Variants in DNAJB5 observed in about 807,000 individuals in gnomAD.
The protein encoded by DNAJB5 is DnaJ heat shock protein family (Hsp40) member B5.
In DNAJB5, 12 loss-of-function variants were observed where a neutral mutation model predicts 32.6. The observed-to-expected ratio is 0.37, with a 90% CI of 0.24 to 0.60. DNAJB5 has a LOEUF of 0.60. DNAJB5 is among the 20% of genes least tolerant of loss of function. The probability of loss-of-function intolerance (pLI) is 0.71; values close to 1 mark genes in which losing one functional copy is unlikely to be tolerated. For synonymous variants in DNAJB5, 188 were observed against 212.9 expected, an observed-to-expected ratio of 0.88 and a Z score of 1.02; for missense variants, 358 against 554.2, an observed-to-expected ratio of 0.65 and a Z score of 3.55.
At chr9:34,991,651 C>A in intron 2 of DNAJB5, 1 of 134,304 alleles carries the variant, frequency 7.4e-6, no homozygotes, top group South Asian at 5.7e-5. Flanking sequence ...CTTTTGCTGC[C>A]ATTTCCGAAA....
Position 34,990,982 on chromosome 9 carries a change from C to CA in DNAJB5, c.182+171dup. On this transcript the variant is annotated intron_variant, in intron 2 of 4. Transcript: ENST00000682809. This position sits in a 1 kb window ranked among gnomAD's most constrained non-coding sequence, Gnocchi z 4.5. ...TATTTGAATGAATTGCACCCCTTATCATTCCTTTTCTCAAACCCTTCAGGT... is the reference window on the plus strand; with the variant it reads ...TATTTGAATGAATTGCACCCCTTATCAATTCCTTTTCTCAAACCCTTCAGGT... The CA allele has an allele frequency of 1.5e-6, 1 of 662,756 alleles. No homozygotes were observed. Among genetic ancestry groups the CA allele is most frequent in the Non-Finnish European group, 2.5e-6 (1 of 394,870 alleles). 41.1% of individuals were successfully genotyped at this position (662,756 alleles called of 1,614,324 possible).
rs1229198092 is a variant in DNAJB5 at position 34,993,374 on chromosome 9, G to A, written c.357G>A (p.Glu119=). Residue 119 remains glutamate (E), a synonymous_variant, in exon 3 of 5, where the codon GAG becomes GAA. Coordinates refer to ENST00000682809, the MANE Select transcript of DNAJB5 (RefSeq NM_001349723.3). The surrounding 1 kb of genome is among the most constrained non-coding windows in gnomAD (Gnocchi z 4.7). ...KEPNAEEKFK[E]IAEAYDVLSD... ...CCAACGCTGAGGAGAAGTTTAAGGAGATTGCAGAGGCCTATGATGTGCTAA... is the reference window on the plus strand; with the variant it reads ...CCAACGCTGAGGAGAAGTTTAAGGAAATTGCAGAGGCCTATGATGTGCTAA... 2 of 1,614,118 alleles carry A rather than the reference G, an allele frequency of 1.2e-6. No individual in the cohort carries two copies. Among genetic ancestry groups the A allele is most frequent in the Middle Eastern group, 1.6e-4 (1 of 6,062 alleles).
Position 34,996,438 on chromosome 9 carries a change from A to G in DNAJB5, c.601A>G (p.Met201Val), listed in dbSNP as rs887163513. The change falls in exon 4 of 5, where the codon ATG (methionine) becomes GTG (valine). Residue 201 changes from methionine (M) to valine (V), a missense_variant. Coordinates refer to ENST00000682809, the MANE Select transcript of DNAJB5 (RefSeq NM_001349723.3). This position sits in a 1 kb window ranked among gnomAD's most constrained non-coding sequence, Gnocchi z 7.2. ...CTTCAGTGGCTTTGACCCAGATGAC[A>G]TGGATGTGGATGAAGATGAGGACCC... ...RPFSGFDPDD[M>V]DVDEDEDPFG... The G allele has an allele frequency of 6.2e-7, 1 of 1,614,088 alleles. No homozygotes were observed. Among genetic ancestry groups the G allele is most frequent in the Non-Finnish European group, 8.5e-7 (1 of 1,180,012 alleles).
chr9:34,992,879 C>T, intron 2 of DNAJB5: 1 of 1,188,432 alleles, frequency 8.4e-7, no homozygotes, highest in South Asian at 2.1e-5. Flanking sequence ...TGCCACCTCG[C>T]TCAGCAGGGC....
Position 34,996,102 on chromosome 9 carries a change from C to T in DNAJB5, c.428-163C>T, listed in dbSNP as rs1016196175. 2.0e-5 allele frequency among the ~76,000 whole-genome samples: 3 copies of T among 152,158 alleles called. No individual in the cohort carries two copies. The highest frequency in any genetic ancestry group is 7.2e-5 in the African/African-American group (3 of 41,424). On this transcript the variant is annotated intron_variant, in intron 3 of 4. Transcript: ENST00000682809. This position sits in a 1 kb window ranked among gnomAD's most constrained non-coding sequence, Gnocchi z 7.2. ...TATATAATTAGGAATGGAAGATAAT[C>T]TTGCCAGAAGCCTTTCTTACTCTAT...
chr9:34,990,166 C>CCAAAACA lies in DNAJB5; in HGVS notation c.-132-332_-132-331insAAAACAC. ...CTCCCCCGCCCGAGCCCCCTCCCCT[C>CCAAAACA]CTCTCCTCGCCGCGCCTTTTGTCCC... On this transcript the variant is annotated intron_variant, in intron 1 of 4. Transcript: ENST00000682809. The surrounding 1 kb of genome is among the most constrained non-coding windows in gnomAD (Gnocchi z 4.5). The CCAAAACA allele has an allele frequency of 1.1e-6, 1 of 939,252 alleles. No individual in the cohort carries two copies. The highest frequency in any genetic ancestry group is 1.5e-6 in the Non-Finnish European group (1 of 678,330). 58.2% of individuals were successfully genotyped at this position (939,252 alleles called of 1,614,324 possible). A position where few individuals can be genotyped will look rare whatever the true frequency, so the allele number is the denominator to read the frequency against.
At position 34,997,348 on chromosome 9, in the gene DNAJB5, C is replaced by A; in HGVS notation, c.*89C>A. Reference sequence around the variant, plus strand: ...TGCACCCAGCTTGATGTCCACTGGACACTGGCAACTTTTTCTAAAATGCAA... The same window carrying A: ...TGCACCCAGCTTGATGTCCACTGGAAACTGGCAACTTTTTCTAAAATGCAA... On this transcript the variant is annotated 3_prime_UTR_variant, in exon 5 of 5. Coordinates refer to ENST00000682809, the MANE Select transcript of DNAJB5 (RefSeq NM_001349723.3). The surrounding 1 kb of genome is among the most constrained non-coding windows in gnomAD (Gnocchi z 4.1). 2.2e-6 allele frequency: 3 copies of A among 1,363,152 alleles called. No individual in the cohort carries two copies. The highest frequency in any genetic ancestry group is 3.1e-6 in the Non-Finnish European group (3 of 954,246). The allele number at this position is 1,363,152 out of a possible 1,614,324, so 84.4% of individuals were successfully genotyped here.
At position 34,990,222 on chromosome 9, in the gene DNAJB5, C is replaced by T; in HGVS notation, c.-132-277C>T. On this transcript the variant is annotated intron_variant, in intron 1 of 4. Coordinates refer to ENST00000682809, the MANE Select transcript of DNAJB5 (RefSeq NM_001349723.3). This position sits in a 1 kb window ranked among gnomAD's most constrained non-coding sequence, Gnocchi z 4.5. Reference sequence around the variant, plus strand: ...AGCTCCGCTCTGCCCCGCCCATCTGCGAGGGAGGAGACTCCCGTCAGTGAC... The same window carrying T: ...AGCTCCGCTCTGCCCCGCCCATCTGTGAGGGAGGAGACTCCCGTCAGTGAC... The T allele has an allele frequency of 7.6e-7, 1 of 1,310,602 alleles. No homozygotes were observed. Among genetic ancestry groups the T allele is most frequent in the Non-Finnish European group, 9.9e-7 (1 of 1,010,752 alleles). The allele number at this position is 1,310,602 out of a possible 1,614,324, so 81.2% of individuals were successfully genotyped here.
rs1279638670 is a variant in DNAJB5 at position 34,997,373 on chromosome 9, A to G, written c.*114A>G. 1 of 1,151,104 alleles carries G rather than the reference A, an allele frequency of 8.7e-7. No homozygotes were observed. 71.3% of individuals were successfully genotyped at this position (1,151,104 alleles called of 1,614,324 possible). A position where few individuals can be genotyped will look rare whatever the true frequency, so the allele number is the denominator to read the frequency against. On this transcript the variant is annotated 3_prime_UTR_variant, in exon 5 of 5. Transcript: ENST00000682809. The surrounding 1 kb of genome is among the most constrained non-coding windows in gnomAD (Gnocchi z 4.1). ...CACTGGCAACTTTTTCTAAAATGCAAAAAAAAGCCACTGGTTTTCAGGAAA... is the reference window on the plus strand; with the variant it reads ...CACTGGCAACTTTTTCTAAAATGCAGAAAAAAGCCACTGGTTTTCAGGAAA...
rs1827836715 is a variant in DNAJB5, at chr9:34,997,540, C to T, written c.*281C>T. ...TTCCACTGCAGTGGCTGGAGAGTGA[C>T]CTGAGTGCTACTTGAAGATATGTAG... On this transcript the variant is annotated 3_prime_UTR_variant, in exon 5 of 5. Transcript: ENST00000682809. The surrounding 1 kb of genome is among the most constrained non-coding windows in gnomAD (Gnocchi z 4.1). The T allele has an allele frequency of 3.5e-6, 2 of 563,556 alleles. No individual in the cohort carries two copies. The highest frequency in any genetic ancestry group is 6.8e-5 in the East Asian group (2 of 29,210). 34.9% of individuals were successfully genotyped at this position (563,556 alleles called of 1,614,324 possible). A position where few individuals can be genotyped will look rare whatever the true frequency, so the allele number is the denominator to read the frequency against.
At position 34,996,377 on chromosome 9, in the gene DNAJB5, C is replaced by T. The variant is rs1183096160; in HGVS notation, c.540C>T (p.Phe180=). ...FASFFGGSNP[F]DIFFASSRST... ...CCTTCTTTGGTGGCTCCAACCCCTT[C>T]GATATCTTCTTTGCCAGCAGCCGCT... Residue 180 remains phenylalanine (F), a synonymous_variant, in exon 4 of 5, where the codon TTC becomes TTT. Transcript: ENST00000682809. This position sits in a 1 kb window ranked among gnomAD's most constrained non-coding sequence, Gnocchi z 7.2. 14 of 1,614,060 alleles carry T rather than the reference C, an allele frequency of 8.7e-6. No individual in the cohort carries two copies. Among genetic ancestry groups the T allele is most frequent in the African/African-American group, 1.3e-5 (1 of 74,928 alleles).
rs1827714320 is a variant in DNAJB5 at position 34,993,578 on chromosome 9, C to T, written c.427+134C>T. The stretch of plus-strand genomic sequence containing the variant: ...AGCAAGGGTTTCCAGCACTGTCACC[C>T]AGAGAAGAGAGAAGCCCACCCACTA... On this transcript the variant is annotated intron_variant, in intron 3 of 4. Transcript: ENST00000682809. The surrounding 1 kb of genome is among the most constrained non-coding windows in gnomAD (Gnocchi z 4.7). 1 of 1,249,308 alleles carries T rather than the reference C, an allele frequency of 8.0e-7. No homozygotes were observed. The highest frequency in any genetic ancestry group is 1.1e-6 in the Non-Finnish European group (1 of 916,444). 77.4% of individuals were successfully genotyped at this position (1,249,308 alleles called of 1,614,324 possible). A position where few individuals can be genotyped will look rare whatever the true frequency, so the allele number is the denominator to read the frequency against.
Position 34,990,288 on chromosome 9 carries a change from C to T in DNAJB5, c.-132-211C>T, listed in dbSNP as rs953499810. On this transcript the variant is annotated intron_variant, in intron 1 of 4. Transcript: ENST00000682809. The surrounding 1 kb of genome is among the most constrained non-coding windows in gnomAD (Gnocchi z 4.5). ...CTTGGGGATTGGGGTCGGGTCCTCC[C>T]CAGTGAGAGGCGACAGGAGCTCACT... is the stretch of plus-strand genomic sequence containing the variant. The T allele has an allele frequency of 7.1e-7, 1 of 1,405,618 alleles. No homozygotes were observed. The highest frequency in any genetic ancestry group is 9.4e-7 in the Non-Finnish European group (1 of 1,066,310). The allele number at this position is 1,405,618 out of a possible 1,614,324, so 87.1% of individuals were successfully genotyped here. A position where few individuals can be genotyped will look rare whatever the true frequency, so the allele number is the denominator to read the frequency against.
At position 34,991,678 on chromosome 9, in the gene DNAJB5, C is replaced by CCA. The variant is rs1554662754; in HGVS notation, c.182+867_182+868dup. On this transcript the variant is annotated intron_variant, in intron 2 of 4. Transcript: ENST00000682809. ...TTTCCGAAAACGGTTGCCCCCCCCC[C>CCA]CAACGAGGTGCTCTTTCTTCTCTGC... is the stretch of plus-strand genomic sequence containing the variant. 3.0e-5 allele frequency: 8 copies of CCA among 262,732 alleles called. 1 individual carries two copies. The highest frequency in any genetic ancestry group is 5.4e-5 in the Non-Finnish European group (7 of 129,354). 16.3% of individuals were successfully genotyped at this position (262,732 alleles called of 1,614,324 possible). A position where few individuals can be genotyped will look rare whatever the true frequency, so the allele number is the denominator to read the frequency against.
At position 34,997,821 on chromosome 9, in the gene DNAJB5, C is replaced by T. The variant is rs1245985343; in HGVS notation, c.*562C>T. 4 of 215,032 alleles carry T rather than the reference C, an allele frequency of 1.9e-5. No individual in the cohort carries two copies. Among genetic ancestry groups the T allele is most frequent in the East Asian group, 2.3e-4 (2 of 8,820 alleles). The allele number at this position is 215,032 out of a possible 1,614,324, so 13.3% of individuals were successfully genotyped here. The stretch of plus-strand genomic sequence containing the variant: ...GAGGATAAGAAGGGAAAGTTCACAA[C>T]CTGTGAACAGGGACTTGAGCACGAG... On this transcript the variant is annotated 3_prime_UTR_variant, in exon 5 of 5. Coordinates refer to ENST00000682809, the MANE Select transcript of DNAJB5 (RefSeq NM_001349723.3). This position sits in a 1 kb window ranked among gnomAD's most constrained non-coding sequence, Gnocchi z 4.1.
Position 34,997,341 on chromosome 9 carries a change from CA to C in DNAJB5, c.*83del, listed in dbSNP as rs1563952777. The C allele has an allele frequency of 7.2e-7, 1 of 1,394,306 alleles. No individual in the cohort carries two copies. The highest frequency in any genetic ancestry group is 1.7e-5 in the Admixed American group (1 of 59,050). The allele number at this position is 1,394,306 out of a possible 1,614,324, so 86.4% of individuals were successfully genotyped here. On this transcript the variant is annotated 3_prime_UTR_variant, in exon 5 of 5. Coordinates refer to ENST00000682809, the MANE Select transcript of DNAJB5 (RefSeq NM_001349723.3). The surrounding 1 kb of genome is among the most constrained non-coding windows in gnomAD (Gnocchi z 4.1). The stretch of plus-strand genomic sequence containing the variant: ...CTCAATGTGCACCCAGCTTGATGTC[CA>C]CTGGACACTGGCAACTTTTTCTAAA...
In DNAJB5 at chr9:34,993,492, G is replaced by A; in HGVS notation, c.427+48G>A. 2 of 1,572,468 alleles carry A rather than the reference G, an allele frequency of 1.3e-6. No homozygotes were observed. Among genetic ancestry groups the A allele is most frequent in the South Asian group, 1.2e-5 (1 of 84,528 alleles). On this transcript the variant is annotated intron_variant, in intron 3 of 4. Coordinates refer to ENST00000682809, the MANE Select transcript of DNAJB5 (RefSeq NM_001349723.3). This position sits in a 1 kb window ranked among gnomAD's most constrained non-coding sequence, Gnocchi z 4.7. ...CAATCCCGGACCCCTCCGCTTGGTA[G>A]GGGTCCCAGGTGCACCAGTTTGTGT...
intron 2 of DNAJB5, chr9:34,992,632 G>T (rs937248646): frequency 1.8e-5 from 4 of 217,362 alleles, no homozygotes; most frequent in Non-Finnish European, 3.2e-5. Context: ...GGGGCGGGGA[G>T]GCCTGGGGTC....
intron 1 of DNAJB5, 42 bp downstream of exon 1, chr9:34,989,873 G>A: frequency 8.9e-6 from 11 of 1,237,210 alleles, no homozygotes; most frequent in Non-Finnish European, 1.1e-5. Context: ...CGGGAGCGGG[G>A]CGTCGTGAAG....
Sources: allele counts gnomAD v4.1 joint callset (sites outside exome capture counted in the v4.1 genomes callset), GRCh38; gene constraint gnomAD v4.1.1; non-coding constraint Gnocchi (gnomAD v3.1); transcripts MANE v1.5; gene names NCBI Gene and HGNC (gene_info 2026-07-23, HGNC 2026-07-21).